TCERG1L: variants seen among roughly 807,000 people sequenced by gnomAD.
TCERG1L encodes the protein transcription elongation regulator 1 like.
A neutral mutation model predicts 56.3 loss-of-function variants in TCERG1L; 37 were observed. That is an observed-to-expected ratio of 0.66 (90% CI 0.51 to 0.87). The LOEUF (loss-of-function observed/expected upper bound fraction) is 0.87, where lower values mean the gene tolerates loss of function less well. TCERG1L is among the 40% of genes least tolerant of loss of function. The pLI is 0.00. For missense variants in TCERG1L, 799 were observed against 774.2 expected, an observed-to-expected ratio of 1.03 and a Z score of -0.38; for synonymous variants, 324 against 326.3, an observed-to-expected ratio of 0.99 and a Z score of 0.08.
intron 4 of TCERG1L, among the ~76,000 whole-genome samples, chr10:131,214,395 A>G (rs1300517217): frequency 2.6e-5 from 4 of 152,208 alleles, no homozygotes; most frequent in Non-Finnish European, 2.9e-5. Flanking sequence ...CCACTCTCAC[A>G]GCCGTCTCTA....
intron 4 of TCERG1L, among the ~76,000 whole-genome samples, chr10:131,181,606 C>A (rs1258181536): frequency 2.0e-5 from 3 of 152,270 alleles, no homozygotes; most frequent in African/African-American, 7.2e-5. Flanking sequence ...CAAGAGCCTG[C>A]TGAGCCAGCC....
intron 4 of TCERG1L, among the ~76,000 whole-genome samples, chr10:131,258,570 C>A (rs1846199023): frequency 6.6e-6 from 1 of 152,214 alleles, no homozygotes; most frequent in Non-Finnish European, 1.5e-5. Context: ...CAACTTCAAC[C>A]TGCATCCTGT....
At chr10:131,309,044 G>T (rs1211795905) in intron 2 of TCERG1L, 109 bp downstream of exon 2, 4 of 1,289,480 alleles carry the variant, frequency 3.1e-6, no homozygotes, top group Admixed American at 5.8e-5. Flanking sequence ...TACCTAGATG[G>T]CCAATTTATG....
chr10:131,256,414 G>A (rs1846165112), intron 4 of TCERG1L, among the ~76,000 whole-genome samples: 2 of 152,170 alleles, frequency 1.3e-5, no homozygotes, highest in African/African-American at 4.8e-5. Context: ...AAATAGTTCT[G>A]GAAGCAAAGA....
At chr10:131,140,100 G>A (rs4751328) in intron 7 of TCERG1L, among the ~76,000 whole-genome samples, 6 of 152,180 alleles carry the variant, frequency 3.9e-5, no homozygotes, top group Non-Finnish European at 7.3e-5. Flanking sequence ...AGGCAAATTC[G>A]CATTCAGATG....
chr10:131,306,875 G>T (rs568730478), intron 3 of TCERG1L, among the ~76,000 whole-genome samples: 1 of 152,228 alleles, frequency 6.6e-6, no homozygotes, highest in South Asian at 2.1e-4. Context: ...TAAGAAGAAG[G>T]TGAAGGCATG....
intron 6 of TCERG1L, among the ~76,000 whole-genome samples, chr10:131,157,073 G>C (rs1243602514): frequency 6.6e-6 from 1 of 152,134 alleles, no homozygotes; most frequent in East Asian, 1.9e-4. Context: ...AACATCAGAG[G>C]AATGCACCGT....
At chr10:131,246,418 G>A (rs1846038052) in intron 4 of TCERG1L, among the ~76,000 whole-genome samples, 1 of 152,140 alleles carries the variant, frequency 6.6e-6, no homozygotes, top group Non-Finnish European at 1.5e-5. Context: ...GGTCAGGCCA[G>A]GGTGGGACCC....
chr10:131,207,768 G>A (rs1238048245), intron 4 of TCERG1L, among the ~76,000 whole-genome samples: 3 of 152,134 alleles, frequency 2.0e-5, no homozygotes, highest in African/African-American at 7.2e-5. Context: ...AACCAGGACC[G>A]CCCTCACAGC....
At chr10:131,138,377 G>C (rs560238832) in intron 7 of TCERG1L, among the ~76,000 whole-genome samples, 1 of 152,170 alleles carries the variant, frequency 6.6e-6, no homozygotes, top group Non-Finnish European at 1.5e-5. Flanking sequence ...CACCACACAC[G>C]GTGAGGAATA....
chr10:131,308,487 C>A (rs562906778), intron 2 of TCERG1L, 96 bp from the exon 3 acceptor site: 1 of 982,104 alleles, frequency 1.0e-6, no homozygotes, highest in Non-Finnish European at 1.5e-6. Flanking sequence ...TACGTTGATC[C>A]AACATTGAAC....
At chr10:131,188,882 C>T (rs1462306595) in intron 4 of TCERG1L, among the ~76,000 whole-genome samples, 1 of 152,168 alleles carries the variant, frequency 6.6e-6, no homozygotes, top group African/African-American at 2.4e-5. Context: ...ATGCGAGTTT[C>T]CTTAGTTATT....
At chr10:131,273,092 G>A (rs1041719790) in intron 3 of TCERG1L, among the ~76,000 whole-genome samples, 15 of 152,140 alleles carry the variant, frequency 9.9e-5, no homozygotes, top group African/African-American at 2.7e-4. Context: ...CCTCAGGCCC[G>A]GGGCGCCTCA....
intron 9 of TCERG1L, among the ~76,000 whole-genome samples, chr10:131,111,013 T>C (rs1362922327): frequency 7.0e-6 from 1 of 142,962 alleles, no homozygotes; most frequent in Non-Finnish European, 1.6e-5. Flanking sequence ...CCCTGGATCA[T>C]GGAAAAGGCC....
chr10:131,243,545 C>G (rs544718247), intron 4 of TCERG1L, among the ~76,000 whole-genome samples: 1 of 152,326 alleles, frequency 6.6e-6, no homozygotes, highest in Admixed American at 6.5e-5. Context: ...GCACTCCAGA[C>G]TGGGCAACAG....
At chr10:131,278,649 G>A (rs1409014755) in intron 3 of TCERG1L, among the ~76,000 whole-genome samples, 5 of 152,108 alleles carry the variant, frequency 3.3e-5, no homozygotes, top group South Asian at 2.1e-4. Flanking sequence ...AGCCCACATC[G>A]TCTTTTCAAG....
chr10:131,189,500 G>T (rs190748179), intron 4 of TCERG1L, among the ~76,000 whole-genome samples: 1 of 152,164 alleles, frequency 6.6e-6, no homozygotes, highest in Non-Finnish European at 1.5e-5. Flanking sequence ...TGCTTTGAAA[G>T]ACATGATTTT....
At chr10:131,245,496 C>A (rs899560357) in intron 4 of TCERG1L, among the ~76,000 whole-genome samples, 1 of 152,328 alleles carries the variant, frequency 6.6e-6, no homozygotes, top group South Asian at 2.1e-4. Context: ...GGGCTTCCCT[C>A]CCTCCAGCCT....
intron 4 of TCERG1L, among the ~76,000 whole-genome samples, chr10:131,251,650 G>A (rs922965743): frequency 6.6e-6 from 1 of 152,218 alleles, no homozygotes; most frequent in Non-Finnish European, 1.5e-5. Flanking sequence ...GTATAAGCAG[G>A]AAGAGGTTTT....
Sources: allele counts gnomAD v4.1 joint callset (sites outside exome capture counted in the v4.1 genomes callset), GRCh38; gene constraint gnomAD v4.1.1; transcripts MANE v1.5; gene names NCBI Gene and HGNC (gene_info 2026-07-23, HGNC 2026-07-21).